Variants in DPH6 observed in about 807,000 individuals in gnomAD.
DPH6 encodes the protein diphthine--ammonia ligase.
A neutral mutation model predicts 38.2 loss-of-function variants in DPH6; 33 were observed. That is an observed-to-expected ratio of 0.86 (90% confidence interval 0.65 to 1.15). The LOEUF (loss-of-function observed/expected upper bound fraction) is 1.15. Ranked by LOEUF, DPH6 falls within the 50% of genes most tolerant of loss-of-function variation. The pLI, the probability that DPH6 is intolerant of heterozygous loss-of-function variation, is 0.00. For missense variants in DPH6, 325 were observed against 320.0 expected (o/e 1.02, Z -0.12); for synonymous variants, 108 against 103.0 (o/e 1.05, Z -0.30).
At chr15:35,255,256 G>A (rs1467482459) in intron 3 of DPH6, among the ~76,000 whole-genome samples, 1 of 152,138 alleles carries the variant, frequency 6.6e-6, no homozygotes, top group Admixed American at 6.5e-5. Flanking sequence ...ATGAAAAGAA[G>A]GTTATAAAGT....
the DPH6 span, among the ~76,000 whole-genome samples, chr15:35,160,858 G>A: frequency 6.6e-6 from 1 of 151,844 alleles, no homozygotes; most frequent in Non-Finnish European, 1.5e-5. Flanking sequence ...GATGAAGCTG[G>A]AAACCATCAT....
At chr15:35,500,127 T>G (rs1172895893) in intron 3 of DPH6, among the ~76,000 whole-genome samples, 1 of 152,208 alleles carries the variant, frequency 6.6e-6, no homozygotes, top group Non-Finnish European at 1.5e-5. Context: ...GCCCTCCATT[T>G]ATCCAAGATA....
chr15:35,265,565 C>T (rs922356019), intron 3 of DPH6, among the ~76,000 whole-genome samples: 1 of 152,212 alleles, frequency 6.6e-6, no homozygotes, highest in African/African-American at 2.4e-5. Flanking sequence ...TCCTCTGCTA[C>T]ACTGTAATAA....
chr15:35,224,863 C>T (rs920057994), intron 3 of DPH6, among the ~76,000 whole-genome samples: 8 of 152,152 alleles, frequency 5.3e-5, no homozygotes, highest in Non-Finnish European at 8.8e-5. Context: ...ACAGAGAATT[C>T]CTGTGTACCA....
intron 3 of DPH6, among the ~76,000 whole-genome samples, chr15:35,253,424 C>A (rs1179201224): frequency 1.3e-5 from 2 of 152,170 alleles, no homozygotes; most frequent in Non-Finnish European, 2.9e-5. Context: ...GAACTCACAA[C>A]CTTATTCCAA....
chr15:35,285,872 G>GTTTTTTTTGTTTTTTTTTTTTTT (rs2051938562), intron 3 of DPH6, among the ~76,000 whole-genome samples: 1 of 52,794 alleles, frequency 1.9e-5, no homozygotes, highest in African/African-American at 7.5e-5. Context: ...TTATCTTTGA[G>GTTTTTTTTGTTTTTTTTTTTTTT]TTTTTTTTTT....
At chr15:35,329,303 G>T (rs944785812), downstream of DPH6, among the ~76,000 whole-genome samples, 1 of 152,114 alleles carries the variant, frequency 6.6e-6, no homozygotes, top group Non-Finnish European at 1.5e-5. Context: ...GCATTTGTGT[G>T]TATATAGAAT....
rs1188124456 is a variant in DPH6 at position 35,351,529 on chromosome 15, G to A, written n.208-20452C>T. On this transcript the variant is annotated intron_variant and non_coding_transcript_variant, in intron 3 of 3. Transcript: ENST00000558973. ...TGATTTGATGATTTTTCATGGTGAT[G>A]TGCTTTTATTATTTTCTATCTTTTG... 1.3e-5 allele frequency among the ~76,000 whole-genome samples: 2 copies of A among 151,948 alleles called. 1 individual carries two copies. Among genetic ancestry groups the A allele is most frequent in the Middle Eastern group, 6.3e-3 (2 of 316 alleles).
chr15:35,460,569 G>A (rs1052968654), intron 3 of DPH6, among the ~76,000 whole-genome samples: 2 of 152,164 alleles, frequency 1.3e-5, no homozygotes, highest in Non-Finnish European at 2.9e-5. Context: ...GCATCACTGA[G>A]TATTAGAAAT....
chr15:35,361,098 C>T (rs1055755413), intron 3 of DPH6, among the ~76,000 whole-genome samples: 2 of 152,102 alleles, frequency 1.3e-5, no homozygotes, highest in East Asian at 1.9e-4. Context: ...AGAGACCAAG[C>T]GTGTCCGGAA....
intron 3 of DPH6, among the ~76,000 whole-genome samples, chr15:35,309,369 T>C (rs2052121024): frequency 6.6e-6 from 1 of 152,174 alleles, no homozygotes; most frequent in African/African-American, 2.4e-5. Context: ...AAAAAAATAT[T>C]TTCCTCAACC....
chr15:35,349,230 C>T (rs983297602), intron 3 of DPH6, among the ~76,000 whole-genome samples: 1 of 152,030 alleles, frequency 6.6e-6, no homozygotes, highest in Non-Finnish European at 1.5e-5. Context: ...TCCCTTGTTA[C>T]CAATCTTAAG....
chr15:35,253,421 C>T (rs1407519352), intron 3 of DPH6, among the ~76,000 whole-genome samples: 1 of 152,210 alleles, frequency 6.6e-6, no homozygotes, highest in Non-Finnish European at 1.5e-5. Context: ...AATGAACTCA[C>T]AACCTTATTC....
chr15:35,413,355 C>T (rs1230265657), intron 5 of DPH6, among the ~76,000 whole-genome samples: 1 of 151,360 alleles, frequency 6.6e-6, no homozygotes, highest in African/African-American at 2.4e-5. Context: ...TCTCCATGAA[C>T]CATCAGTTTC....
rs534564163 is a variant in DPH6, at chr15:35,376,396, T to C, written c.663-2788A>G. Reference sequence around the variant, plus strand: ...AGTCACGTGCCACATAATGCTATTTTTGGTTAAAGGCTGACTGGGTATTAC... The same window carrying C: ...AGTCACGTGCCACATAATGCTATTTCTGGTTAAAGGCTGACTGGGTATTAC... On this transcript the variant is annotated intron_variant, in intron 7 of 8. Transcript: ENST00000256538. 5.9e-5 allele frequency among the ~76,000 whole-genome samples: 9 copies of C among 152,284 alleles called. No homozygotes were observed. The South Asian group carries it at 1.7e-3, about 28-fold the overall frequency.
chr15:35,406,163 A>C (rs1184377825), intron 6 of DPH6, among the ~76,000 whole-genome samples: 1 of 152,054 alleles, frequency 6.6e-6, no homozygotes, highest in African/African-American at 2.4e-5. Context: ...GTGAGCTTTG[A>C]ATTGAGATTT....
At chr15:35,519,692 T>C (rs2054894839) in intron 3 of DPH6, 1 of 152,422 alleles carries the variant, frequency 6.6e-6, no homozygotes, top group Non-Finnish European at 1.5e-5. Flanking sequence ...TGAAATCATC[T>C]ACATCTGTCT....
chr15:35,299,588 C>T, intron 3 of DPH6: 1 of 415,382 alleles, frequency 2.4e-6, no homozygotes, highest in East Asian at 5.2e-5. Context: ...TCAGGTAGCG[C>T]GGGCTGCTGG....
At chr15:35,385,827 A>G (rs972556635) in intron 6 of DPH6, among the ~76,000 whole-genome samples, 1 of 152,176 alleles carries the variant, frequency 6.6e-6, no homozygotes, top group African/African-American at 2.4e-5. Flanking sequence ...TTTGTATAAA[A>G]GTGTGTTTAT....
Sources: allele counts gnomAD v4.1 joint callset (sites outside exome capture counted in the v4.1 genomes callset), GRCh38; gene constraint gnomAD v4.1.1; transcripts MANE v1.5; gene names NCBI Gene and HGNC (gene_info 2026-07-23, HGNC 2026-07-21).